The following RGS8 variants were observed in gnomAD, a reference collection of about 807,000 sequenced individuals.
The protein encoded by RGS8 is regulator of G-protein signaling 8.
Under a neutral mutation model 21.7 loss-of-function variants are expected in RGS8, and 8 were observed. The ratio of observed to expected loss-of-function variants is 0.37; its 90% CI spans 0.22 to 0.66. The LOEUF is 0.66. Ranked by LOEUF, RGS8 falls within the 30% of genes least tolerant of loss-of-function variation. The pLI is 0.59. For synonymous variants in RGS8, 80 were observed against 83.6 expected, an observed-to-expected ratio of 0.96 and a Z score of 0.24; for missense variants, 157 against 217.9, an observed-to-expected ratio of 0.72 and a Z score of 1.76.
At chr1:182,671,614 A>T in intron 2 of RGS8, 43 bp downstream of exon 3, 12 of 1,552,292 alleles carry the variant, frequency 7.7e-6, no homozygotes, top group Non-Finnish European at 1.1e-5. Context: ...CGGTGCACAC[A>T]GACACCCCGG....
chr1:182,735,500 G>C, the RGS8 span, among the ~76,000 whole-genome samples: 1 of 152,176 alleles, frequency 6.6e-6, no homozygotes, highest in African/African-American at 2.4e-5. Context: ...AAAGCCCTGA[G>C]AGCTAGATCT....
chr1:182,649,383 C>A (rs1271125768), intron 5 of RGS8, among the ~76,000 whole-genome samples: 1 of 152,144 alleles, frequency 6.6e-6, no homozygotes, highest in Non-Finnish European at 1.5e-5. Context: ...ATGCAGTCGG[C>A]AGTTTCATTC....
chr1:182,698,898 C>A, the RGS8 span, among the ~76,000 whole-genome samples: 2 of 152,292 alleles, frequency 1.3e-5, no homozygotes, highest in Non-Finnish European at 2.9e-5. Flanking sequence ...GTGTGTGTGA[C>A]TGTGTGCACA....
the RGS8 span, among the ~76,000 whole-genome samples, chr1:182,710,388 C>G: frequency 3.9e-5 from 6 of 152,176 alleles, no homozygotes; most frequent in African/African-American, 1.4e-4. Context: ...TCTCCCACAG[C>G]CTCTACTTGT....
At chr1:182,732,297 A>ACT in the RGS8 span, among the ~76,000 whole-genome samples, 1 of 151,734 alleles carries the variant, frequency 6.6e-6, no homozygotes, top group Non-Finnish European at 1.5e-5. Context: ...ACACACACAC[A>ACT]CACACCCACT....
the RGS8 span, among the ~76,000 whole-genome samples, chr1:182,735,982 T>G: frequency 6.6e-6 from 1 of 152,258 alleles, no homozygotes; most frequent in Non-Finnish European, 1.5e-5. Context: ...AACCATTTGA[T>G]TATGTCTGTC....
At chr1:182,720,938 T>TATATACATATATAC in the RGS8 span, among the ~76,000 whole-genome samples, 2 of 74,508 alleles carry the variant, frequency 2.7e-5, no homozygotes, top group African/African-American at 1.2e-4. Flanking sequence ...CATATATACA[T>TATATACATATATAC]ATATATACAT....
At chr1:182,647,809 C>T (rs1379180876) in intron 6 of RGS8, among the ~76,000 whole-genome samples, 2 of 152,204 alleles carry the variant, frequency 1.3e-5, no homozygotes, top group African/African-American at 4.8e-5. Flanking sequence ...AGCAGATCCA[C>T]ATTTCATTAA....
chr1:182,664,133 C>A (rs147268737), intron 5 of RGS8, among the ~76,000 whole-genome samples: 5 of 152,310 alleles, frequency 3.3e-5, no homozygotes, highest in Non-Finnish European at 5.9e-5. Context: ...CTTGCTACTG[C>A]AGCAATCTAA....
the RGS8 span, among the ~76,000 whole-genome samples, chr1:182,723,396 G>T: frequency 6.6e-6 from 1 of 152,106 alleles, no homozygotes; most frequent in Non-Finnish European, 1.5e-5. Context: ...GGCTGTTGGC[G>T]TGAGGCCTCA....
At chr1:182,742,183 C>A in the RGS8 span, among the ~76,000 whole-genome samples, 221 of 150,664 alleles carry the variant, frequency 1.5e-3, no homozygotes, top group African/African-American at 4.5e-3. Context: ...GATGTGATGG[C>A]GGCCGGGAAG....
At chr1:182,686,035 CAG>C (rs984580501), upstream of RGS8, among the ~76,000 whole-genome samples, 1 of 152,148 alleles carries the variant, frequency 6.6e-6, no homozygotes, top group Non-Finnish European at 1.5e-5. Flanking sequence ...GAAATCCCCT[CAG>C]AGGAGGCGTC....
At chr1:182,677,127 T>C (rs1350013062), upstream of RGS8, among the ~76,000 whole-genome samples, 3 of 152,200 alleles carry the variant, frequency 2.0e-5, no homozygotes, top group South Asian at 4.1e-4. Flanking sequence ...GAAAGTGTGG[T>C]GGATTTGACA....
the RGS8 span, among the ~76,000 whole-genome samples, chr1:182,695,755 T>C: frequency 6.6e-6 from 1 of 152,212 alleles, no homozygotes; most frequent in Non-Finnish European, 1.5e-5. Flanking sequence ...CATTTCTTAG[T>C]GCATACCAAC....
At chr1:182,682,431 T>C (rs1476183955) in intron 1 of RGS8, among the ~76,000 whole-genome samples, 1 of 152,170 alleles carries the variant, frequency 6.6e-6, no homozygotes, top group Non-Finnish European at 1.5e-5. Context: ...TGCTTTCACT[T>C]CTCTGGCTGA....
the RGS8 span, among the ~76,000 whole-genome samples, chr1:182,719,723 C>T: frequency 6.6e-6 from 1 of 151,448 alleles, no homozygotes; most frequent in East Asian, 1.9e-4. Context: ...GCCACCACAC[C>T]CGACTATTTT....
At chr1:182,723,774 A>G in the RGS8 span, among the ~76,000 whole-genome samples, 4 of 152,122 alleles carry the variant, frequency 2.6e-5, no homozygotes, top group African/African-American at 4.8e-5. Flanking sequence ...GTGTATATAA[A>G]TTGTTCCTTT....
chr1:182,658,052 T>A (rs918421963), intron 5 of RGS8, among the ~76,000 whole-genome samples: 1 of 152,224 alleles, frequency 6.6e-6, no homozygotes. Context: ...AAAATTATAA[T>A]TTTTTGAGAT....
upstream of RGS8, chr1:182,672,026 G>T: frequency 1.3e-6 from 1 of 771,252 alleles, no homozygotes; most frequent in Non-Finnish European, 1.8e-6. Flanking sequence ...GCTGAGCTCA[G>T]CCTCACTAAC....
Sources: allele counts gnomAD v4.1 joint callset (sites outside exome capture counted in the v4.1 genomes callset), GRCh38; gene constraint gnomAD v4.1.1; transcripts MANE v1.5; gene names NCBI Gene and HGNC (gene_info 2026-07-23, HGNC 2026-07-21).